The following SLC9A7 variants were observed in gnomAD, a reference collection of about 807,000 sequenced individuals.
The protein encoded by SLC9A7 is sodium/hydrogen exchanger 7.
A neutral mutation model predicts 52.6 loss-of-function variants in SLC9A7; 19 were observed. That is an observed-to-expected ratio of 0.36 (90% CI 0.25 to 0.53). The LOEUF is 0.53. Ranked by LOEUF, SLC9A7 falls within the 20% of genes least tolerant of loss-of-function variation. The pLI is 0.91. For synonymous variants in SLC9A7, 226 were observed against 252.1 expected (o/e 0.90, Z 0.98); for missense variants, 455 against 597.9 (o/e 0.76, Z 2.49).
chrX:46,748,414 A>AGGAAGGAAGGAC lies in SLC9A7; in HGVS notation c.325+10290_325+10291insGTCCTTCCTTCC, dbSNP rs1266188596. On this transcript the variant is annotated intron_variant, in intron 1 of 16. Transcript: ENST00000616978. Reference sequence around the variant, plus strand: ...AAGGAAGGAAGGAAGGAAGGAAGGAAGGACAGACAGAAGGAAGGAAAACAA... The same window carrying AGGAAGGAAGGAC: ...AAGGAAGGAAGGAAGGAAGGAAGGAAGGAAGGAAGGACGGACAGACAGAAGGAAGGAAAACAA... Among the ~76,000 whole-genome samples, 5 of 96,449 alleles carry AGGAAGGAAGGAC rather than the reference A, an allele frequency of 5.2e-5. No homozygotes were observed. The East Asian group carries it at 9.3e-4, about 18-fold the overall frequency. The allele number at this position is 96,449 out of a possible 115,157, so 83.8% of individuals were successfully genotyped here.
chrX:46,657,277 T>C (rs1569511479), intron 7 of SLC9A7, among the ~76,000 whole-genome samples: 3 of 109,034 alleles, frequency 2.8e-5, no homozygotes, highest in African/African-American at 6.7e-5. Context: ...CATGCCAAAA[T>C]GTAAAGACCA....
At chrX:46,700,251 T>C (rs769455933) in intron 1 of SLC9A7, among the ~76,000 whole-genome samples, 20 of 112,569 alleles carry the variant, frequency 1.8e-4, no homozygotes, top group Non-Finnish European at 3.4e-4. Flanking sequence ...TCCCACACTC[T>C]GACATTTCCC....
At chrX:46,725,952 G>A (rs752347425) in intron 1 of SLC9A7, 8 of 315,418 alleles carry the variant, frequency 2.5e-5, no homozygotes, top group Admixed American at 4.8e-5. Context: ...CAGACTGCCC[G>A]GATTCAAAGC....
intron 6 of SLC9A7, among the ~76,000 whole-genome samples, 164 bp downstream of exon 6, chrX:46,662,374 G>A (rs1484052771): frequency 8.9e-6 from 1 of 111,772 alleles, no homozygotes; most frequent in Non-Finnish European, 1.9e-5. Flanking sequence ...TCTGATTGCT[G>A]CTGGGCACAC....
intron 1 of SLC9A7, among the ~76,000 whole-genome samples, chrX:46,716,802 A>T (rs1944775672): frequency 8.9e-6 from 1 of 112,134 alleles, no homozygotes; most frequent in African/African-American, 3.2e-5. Context: ...CTTTTTATTT[A>T]TTTATTTTTT....
rs1207753963 is a variant in SLC9A7, at chrX:46,643,334, A to G, written c.1518T>C (p.Ala506=). The change falls in exon 12 of 17, where the codon GCT becomes GCC. Residue 506 remains alanine (A), a synonymous_variant. Transcript: ENST00000616978. The part of the protein sequence containing the change: ...ALAIRDTASY[A]RQMMFTTTLL... ...GGGTGGTCGTGAACATCATCTGGCG[A>G]GCATAGGATGCCGTGTCACGGATGG... is the stretch of plus-strand genomic sequence containing the variant. 5.0e-6 allele frequency: 6 copies of G among 1,211,174 alleles called. No individual in the cohort carries two copies. The South Asian group carries it at 8.8e-5, about 18-fold the overall frequency.
intron 1 of SLC9A7, among the ~76,000 whole-genome samples, chrX:46,752,607 G>C (rs1482121602): frequency 9.0e-6 from 1 of 110,951 alleles, no homozygotes; most frequent in Non-Finnish European, 1.9e-5. Context: ...TGGAAGATGT[G>C]TCTAAGTCCT....
chrX:46,725,193 T>A (rs1944923015), intron 1 of SLC9A7: 2 of 903,930 alleles, frequency 2.2e-6, no homozygotes, highest in Non-Finnish European at 1.6e-6. Flanking sequence ...TCCAAATTCA[T>A]CCACCAGAAC....
intron 1 of SLC9A7, among the ~76,000 whole-genome samples, chrX:46,732,962 G>A (rs1215284510): frequency 8.9e-6 from 1 of 112,043 alleles, no homozygotes. Context: ...AAAACACAAG[G>A]TGCAGTACAG....
In SLC9A7 at chrX:46,631,607, G is replaced by A. The variant is rs1300976946; in HGVS notation, c.1719C>T (p.Asp573=). The part of the protein sequence containing the change: ...DPDQDPPPNN[D]SFQVLQGDGP... ...TTACCCCTTGTAAGACTTGAAAGCTGTCGTTGTTGGGTGGTGGGTCTTGAT... is the reference window on the plus strand; with the variant it reads ...TTACCCCTTGTAAGACTTGAAAGCTATCGTTGTTGGGTGGTGGGTCTTGAT... The change falls in exon 14 of 17, where the codon GAC becomes GAT. Residue 573 remains aspartate (D), a synonymous_variant. Coordinates refer to ENST00000616978, the MANE Select transcript of SLC9A7 (RefSeq NM_001257291.2). 8.3e-7 allele frequency: 1 copy of A among 1,209,912 alleles called. No individual in the cohort carries two copies. Among genetic ancestry groups the A allele is most frequent in the South Asian group, 1.8e-5 (1 of 56,741 alleles).
intron 1 of SLC9A7, among the ~76,000 whole-genome samples, chrX:46,715,449 G>C (rs1415259148): frequency 9.0e-6 from 1 of 111,491 alleles, no homozygotes; most frequent in African/African-American, 3.3e-5. Flanking sequence ...GTTAGTTCCT[G>C]GAAATGGTCA....
At chrX:46,697,953 G>C (rs182541979) in intron 1 of SLC9A7, among the ~76,000 whole-genome samples, 3 of 111,312 alleles carry the variant, frequency 2.7e-5, no homozygotes, top group African/African-American at 6.5e-5. Context: ...TCTTATGGTC[G>C]AGACTGCAGG....
At chrX:46,708,257 G>T (rs1944634577) in intron 1 of SLC9A7, among the ~76,000 whole-genome samples, 1 of 112,068 alleles carries the variant, frequency 8.9e-6, no homozygotes, top group South Asian at 3.7e-4. Context: ...GCCAGGCATG[G>T]TGACTCACAC....
chrX:46,737,922 G>A (rs1602291078), intron 1 of SLC9A7, among the ~76,000 whole-genome samples: 2 of 109,206 alleles, frequency 1.8e-5, no homozygotes, highest in African/African-American at 6.7e-5. Flanking sequence ...AGCTACTTGG[G>A]AGGCTGAGGT....
chrX:46,724,938 T>C (rs762292454), intron 1 of SLC9A7, among the ~76,000 whole-genome samples: 1 of 111,843 alleles, frequency 8.9e-6, no homozygotes, highest in South Asian at 3.7e-4. Context: ...TAAGTTCAAT[T>C]TTCATAAGAA....
In SLC9A7 at chrX:46,722,927, T is replaced by C. The variant is rs964127866; in HGVS notation, c.325+35778A>G. On this transcript the variant is annotated intron_variant, in intron 1 of 16. Transcript: ENST00000616978. ...GTGTCACACTTCATTTGGTGCAAAA[T>C]ATGACAATGAAAAACACAACTTGAT... 3.6e-5 allele frequency among the ~76,000 whole-genome samples: 4 copies of C among 111,800 alleles called. No individual in the cohort carries two copies. In the Admixed American group the frequency reaches 3.8e-4, roughly 11 times the overall value.
At chrX:46,693,127 T>C (rs1944403408) in intron 1 of SLC9A7, among the ~76,000 whole-genome samples, 2 of 112,221 alleles carry the variant, frequency 1.8e-5, no homozygotes, top group African/African-American at 3.2e-5. Flanking sequence ...AAACATCCCA[T>C]ATTCATAAAT....
chrX:46,741,739 A>G (rs1338557958), intron 1 of SLC9A7, among the ~76,000 whole-genome samples: 1 of 111,139 alleles, frequency 9.0e-6, no homozygotes, highest in Non-Finnish European at 1.9e-5. Context: ...GGGATTATAT[A>G]GTTTTGGACA....
chrX:46,685,456 G>C (rs1944280301), intron 1 of SLC9A7: 1 of 111,806 alleles, frequency 8.9e-6, no homozygotes, highest in African/African-American at 3.3e-5. Context: ...CCATCTTACT[G>C]TTCCCAAACT....
Sources: allele counts gnomAD v4.1 joint callset (sites outside exome capture counted in the v4.1 genomes callset), GRCh38; gene constraint gnomAD v4.1.1; transcripts MANE v1.5; gene names NCBI Gene and HGNC (gene_info 2026-07-23, HGNC 2026-07-21).